THRAP3: variants seen among roughly 807,000 people sequenced by gnomAD.
THRAP3 encodes thyroid hormone receptor-associated protein 3.
In THRAP3, 16 loss-of-function variants were observed where a neutral mutation model predicts 101.0. That is an observed-to-expected ratio of 0.16 (90% CI 0.11 to 0.24). THRAP3 has a LOEUF of 0.24. Among genes scored for constraint, THRAP3 ranks in the 10% least tolerant of loss-of-function variants. The pLI, the probability that THRAP3 is intolerant of heterozygous loss-of-function variation, is 1.00. For synonymous variants in THRAP3, 407 were observed against 422.6 expected, an observed-to-expected ratio of 0.96 and a Z score of 0.45; for missense variants, 989 against 1,202.7, an observed-to-expected ratio of 0.82 and a Z score of 2.63.
chr1:36,258,950 A>T, intron 1 of THRAP3, among the ~76,000 whole-genome samples: 1 of 152,190 alleles, frequency 6.6e-6, no homozygotes, highest in Non-Finnish European at 1.5e-5. Flanking sequence ...GCAGAAGGGA[A>T]TTTTTGTGCT....
In THRAP3 at chr1:36,285,600, C is replaced by A. The variant is rs187238218; in HGVS notation, c.138-768C>A. Among the ~76,000 whole-genome samples, 487 of 152,290 alleles carry A rather than the reference C, an allele frequency of 3.2e-3. 4 individuals are homozygous for A. The highest frequency in any genetic ancestry group is 0.011 in the African/African-American group (468 of 41,546). ...GGGGGTGTTTTTTAGTTACTCTTTG[C>A]TAACTTCATGCGTCCTTGGGTACTT... On this transcript the variant is annotated intron_variant, in intron 3 of 11. Coordinates refer to ENST00000354618, the MANE Select transcript of THRAP3 (RefSeq NM_005119.4).
At chr1:36,239,849 C>T (rs1483708724) in intron 1 of THRAP3, among the ~76,000 whole-genome samples, 2 of 152,100 alleles carry the variant, frequency 1.3e-5, no homozygotes, top group Non-Finnish European at 2.9e-5. Context: ...TTACTTTTTT[C>T]GTGGTAAAAT....
intron 1 of THRAP3, among the ~76,000 whole-genome samples, chr1:36,246,752 G>A (rs1645236414): frequency 6.6e-6 from 1 of 152,020 alleles, no homozygotes; most frequent in Non-Finnish European, 1.5e-5. Context: ...TGAGGCAGGA[G>A]AATGGCGTGA....
chr1:36,286,984 A>G lies in THRAP3; in HGVS notation c.754A>G (p.Lys252Glu). The change falls in exon 4 of 12, where the codon AAA becomes GAA. Residue 252 changes from lysine to glutamate, a missense_variant. Physicochemically the swap from Lys to Glu is moderately conservative, Grantham distance 56. Coordinates refer to ENST00000354618, the MANE Select transcript of THRAP3 (RefSeq NM_005119.4). This position sits in a 1 kb window ranked among gnomAD's most constrained non-coding sequence, Gnocchi z 5.5. ...LSPRERSPALKSPLQSVVVRR... is the reference protein window; with the variant it reads ...LSPRERSPALESPLQSVVVRR... ...TCCTCGGGAGCGAAGCCCAGCTCTC[A>G]AAAGCCCCCTCCAGTCTGTGGTGGT... 1 of 1,614,258 alleles carries G rather than the reference A, an allele frequency of 6.2e-7. No individual in the cohort carries two copies. Among genetic ancestry groups the G allele is most frequent in the South Asian group, 1.1e-5 (1 of 91,086 alleles).
upstream of THRAP3, among the ~76,000 whole-genome samples, chr1:36,219,607 T>G (rs970296006): frequency 6.6e-6 from 1 of 151,184 alleles, no homozygotes; most frequent in African/African-American, 2.4e-5. Flanking sequence ...TTTTTTTTTT[T>G]AAAGTAGAGA....
At chr1:36,302,994 G>A (rs2124653419) in intron 11 of THRAP3, among the ~76,000 whole-genome samples, 1 of 152,242 alleles carries the variant, frequency 6.6e-6, no homozygotes, top group Admixed American at 6.5e-5. Flanking sequence ...CTGAGCATTT[G>A]GAGTGCAGTG....
At chr1:36,262,101 A>C (rs984716985) in intron 2 of THRAP3, among the ~76,000 whole-genome samples, 3 of 152,210 alleles carry the variant, frequency 2.0e-5, no homozygotes, top group African/African-American at 7.2e-5. Flanking sequence ...AGATGAAATA[A>C]ATTTGAACGA....
At chr1:36,242,626 G>T (rs1162103150) in intron 1 of THRAP3, among the ~76,000 whole-genome samples, 1 of 151,836 alleles carries the variant, frequency 6.6e-6, no homozygotes, top group Non-Finnish European at 1.5e-5. Flanking sequence ...CTAATTTTTT[G>T]TATTTTTAGT....
chr1:36,288,100 A>G (rs1645818555), intron 4 of THRAP3: 2 of 984,966 alleles, frequency 2.0e-6, no homozygotes, highest in South Asian at 4.7e-5. Context: ...TTAATGGTAC[A>G]GATGAGATGT....
rs771519533 is a variant in THRAP3, at chr1:36,301,550, T to C, written c.2503-3T>C. 2.5e-6 allele frequency: 4 copies of C among 1,612,370 alleles called. No individual in the cohort carries two copies. Among genetic ancestry groups the C allele is most frequent in the Non-Finnish European group, 2.5e-6 (3 of 1,179,410 alleles). ...GTTCTTTTTCCCTCATTTATTGCAA[T>C]AGCAGTTTCGAGCCAGAGGAAGAGG... On this transcript the variant is annotated splice_polypyrimidine_tract_variant and splice_region_variant and intron_variant, in intron 10 of 11. Coordinates refer to ENST00000354618, the MANE Select transcript of THRAP3 (RefSeq NM_005119.4).
chr1:36,232,501 G>A (rs1030753221), intron 1 of THRAP3, among the ~76,000 whole-genome samples: 18 of 152,146 alleles, frequency 1.2e-4, no homozygotes, highest in African/African-American at 4.3e-4. Context: ...TATATGACAT[G>A]ATATTTATTT....
At chr1:36,250,611 TA>T (rs1013606730) in intron 1 of THRAP3, among the ~76,000 whole-genome samples, 1 of 151,492 alleles carries the variant, frequency 6.6e-6, no homozygotes, top group Non-Finnish European at 1.5e-5. Flanking sequence ...TAAGACACAT[TA>T]AAAAAATATA....
intron 1 of THRAP3, among the ~76,000 whole-genome samples, chr1:36,230,185 C>G (rs540363433): frequency 5.3e-5 from 8 of 151,820 alleles, no homozygotes; most frequent in South Asian, 2.1e-4. Context: ...ATGGCTCGAT[C>G]TCAGCTGACC....
upstream of THRAP3, among the ~76,000 whole-genome samples, chr1:36,221,185 TCAA>T (rs1644901508): frequency 1.1e-5 from 1 of 87,584 alleles, no homozygotes; most frequent in Non-Finnish European, 2.1e-5. Context: ...AGACCCTATC[TCAA>T]AAAAAAAAAA....
chr1:36,263,778 A>T (rs1645477837), intron 2 of THRAP3, among the ~76,000 whole-genome samples: 1 of 152,202 alleles, frequency 6.6e-6, no homozygotes, highest in Admixed American at 6.5e-5. Context: ...TTCTCAGAGG[A>T]GTATCTCAAG....
chr1:36,217,501 A>T, the THRAP3 span, among the ~76,000 whole-genome samples: 5 of 151,676 alleles, frequency 3.3e-5, no homozygotes, highest in South Asian at 2.1e-4. Flanking sequence ...TCCAAGATAG[A>T]TCTTGTTTTA....
At chr1:36,247,820 T>C (rs1354420173) in intron 1 of THRAP3, among the ~76,000 whole-genome samples, 3 of 152,052 alleles carry the variant, frequency 2.0e-5, no homozygotes, top group South Asian at 4.1e-4. Flanking sequence ...GCCCAACTTA[T>C]TCCTCTTAAC....
intron 1 of THRAP3, among the ~76,000 whole-genome samples, chr1:36,256,048 G>C (rs1557821557): frequency 6.6e-6 from 1 of 151,724 alleles, no homozygotes; most frequent in Non-Finnish European, 1.5e-5. Context: ...ACAAGGTCTT[G>C]CTCTGTCACC....
At position 36,287,080 on chromosome 1, in the gene THRAP3, G is replaced by A; in HGVS notation, c.850G>A (p.Gly284Ser). 6 of 1,614,034 alleles carry A rather than the reference G, an allele frequency of 3.7e-6. No individual in the cohort carries two copies. Among genetic ancestry groups the A allele is most frequent in the Non-Finnish European group, 5.1e-6 (6 of 1,179,960 alleles). The change falls in exon 4 of 12, where the codon GGC (glycine) becomes AGC (serine). Residue 284 changes from glycine (G) to serine (S), a missense_variant. Gly to Ser is a moderately conservative substitution (Grantham distance 56, BLOSUM62 0). Coordinates refer to ENST00000354618, the MANE Select transcript of THRAP3 (RefSeq NM_005119.4). Reference protein sequence around the residue: ...SPPLSSTSQMGSTLPSGAGYQ... With the variant: ...SPPLSSTSQMSSTLPSGAGYQ... The stretch of plus-strand genomic sequence containing the variant: ...TCCACTTTCCAGCACATCCCAGATG[G>A]GCTCAACTCTGCCGAGTGGTGCCGG...
Sources: allele counts gnomAD v4.1 joint callset (sites outside exome capture counted in the v4.1 genomes callset), GRCh38; gene constraint gnomAD v4.1.1; non-coding constraint Gnocchi (gnomAD v3.1); transcripts MANE v1.5; gene names NCBI Gene and HGNC (gene_info 2026-07-23, HGNC 2026-07-21).